The following DACH1 variants were observed in gnomAD, a reference collection of about 807,000 sequenced individuals.
The protein encoded by DACH1 is dachshund family transcription factor 1.
In DACH1, 12 loss-of-function variants were observed where a neutral mutation model predicts 54.2. The ratio of observed to expected loss-of-function variants is 0.22; its 90% CI spans 0.14 to 0.36. DACH1 has a LOEUF of 0.36. Ranked by LOEUF, DACH1 falls within the 10% of genes least tolerant of loss-of-function variation. The pLI is 1.00. For synonymous variants in DACH1, 386 were observed against 366.2 expected (o/e 1.05, Z -0.62); for missense variants, 805 against 929.8 (o/e 0.87, Z 1.75).
chr13:71,462,349 T>C (rs1876150076), intron 10 of DACH1, among the ~76,000 whole-genome samples: 1 of 151,970 alleles, frequency 6.6e-6, no homozygotes, highest in Non-Finnish European at 1.5e-5. Context: ...TAATTATATA[T>C]AATATGTAGC....
In DACH1 at chr13:71,735,267, G is replaced by GAT. The variant is rs1215444304; in HGVS notation, c.849-53359_849-53358dup. Among the ~76,000 whole-genome samples the GAT allele has an allele frequency of 1.1e-4, 5 of 46,120 alleles. 1 individual carries two copies. The highest frequency in any genetic ancestry group is 3.0e-4 in the Non-Finnish European group (3 of 10,052). 30.3% of individuals were successfully genotyped at this position (46,120 alleles called of 152,430 possible). A position where few individuals can be genotyped will look rare whatever the true frequency, so the allele number is the denominator to read the frequency against. The stretch of plus-strand genomic sequence containing the variant: ...GTATATGGGATATACGTGTATATGG[G>GAT]ATACACGTATGTATATGGGATATAC... On this transcript the variant is annotated intron_variant, in intron 1 of 10. Coordinates refer to ENST00000613252, the MANE Select transcript of DACH1 (RefSeq NM_080759.6).
intron 10 of DACH1, among the ~76,000 whole-genome samples, chr13:71,463,302 A>G (rs1240119825): frequency 1.3e-5 from 2 of 151,992 alleles, no homozygotes; most frequent in Admixed American, 6.6e-5. Context: ...TTTTAGAGAA[A>G]ACGTCTTGAG....
intron 3 of DACH1, among the ~76,000 whole-genome samples, chr13:71,619,849 A>G (rs552819843): frequency 4.0e-4 from 61 of 152,028 alleles, no homozygotes; most frequent in Admixed American, 3.1e-3. Flanking sequence ...ACTAATAGAA[A>G]TAGGAAATTG....
At chr13:71,604,477 A>G (rs971572947) in intron 3 of DACH1, among the ~76,000 whole-genome samples, 19 of 151,932 alleles carry the variant, frequency 1.3e-4, no homozygotes, top group African/African-American at 4.3e-4. Flanking sequence ...TACCATTACC[A>G]TGCACTCAGA....
In DACH1 at chr13:71,496,261, G is replaced by GTA. The variant is rs35142229; in HGVS notation, c.1571-7115_1571-7114dup. Among the ~76,000 whole-genome samples the GTA allele has an allele frequency of 8.1e-3, 300 of 37,074 alleles. 2 individuals carry two copies. Among genetic ancestry groups the GTA allele is most frequent in the African/African-American group, 0.016 (127 of 7,778 alleles). The allele number at this position is 37,074 out of a possible 152,430, so 24.3% of individuals were successfully genotyped here. ...TCCCAAAAAACAAAAAAATTGCTATGTATATATATATATATATATATATAT... is the reference window on the plus strand; with the variant it reads ...TCCCAAAAAACAAAAAAATTGCTATGTATATATATATATATATATATATATAT... On this transcript the variant is annotated intron_variant, in intron 6 of 10. Transcript: ENST00000613252.
At chr13:71,800,959 A>AAT (rs1400178715) in intron 1 of DACH1, among the ~76,000 whole-genome samples, 41 of 152,148 alleles carry the variant, frequency 2.7e-4, no homozygotes, top group African/African-American at 9.6e-4. Context: ...AATGGAAGGA[A>AAT]ATTATGGAAT....
intron 3 of DACH1, among the ~76,000 whole-genome samples, chr13:71,614,621 A>C (rs2138524888): frequency 6.6e-6 from 1 of 152,276 alleles, no homozygotes; most frequent in East Asian, 1.9e-4. Context: ...TGGGAGGCCA[A>C]GGCAGGAGGA....
At chr13:71,665,637 C>T (rs1228272477) in intron 2 of DACH1, among the ~76,000 whole-genome samples, 4 of 151,990 alleles carry the variant, frequency 2.6e-5, no homozygotes, top group Non-Finnish European at 4.4e-5. Context: ...TAGGATTAAG[C>T]ATGCTAATGA....
At position 71,475,869 on chromosome 13, in the gene DACH1, T is replaced by TATC; in HGVS notation, c.1871-21_1871-20insGAT. On this transcript the variant is annotated intron_variant, in intron 8 of 10. Coordinates refer to ENST00000613252, the MANE Select transcript of DACH1 (RefSeq NM_080759.6). Reference sequence around the variant, plus strand: ...CTATGGCTAAAAAAGAGTGTATGCATATTATTATTATTATTTTTAAATTTT... The same window carrying TATC: ...CTATGGCTAAAAAAGAGTGTATGCATATCATTATTATTATTATTTTTAAATTTT... 2 of 1,444,078 alleles carry TATC rather than the reference T, an allele frequency of 1.4e-6. No individual in the cohort carries two copies. Among genetic ancestry groups the TATC allele is most frequent in the Non-Finnish European group, 1.8e-6 (2 of 1,086,696 alleles). 89.5% of individuals were successfully genotyped at this position (1,444,078 alleles called of 1,614,324 possible).
chr13:71,723,007 T>C (rs1205991717), intron 1 of DACH1, among the ~76,000 whole-genome samples: 1 of 152,178 alleles, frequency 6.6e-6, no homozygotes, highest in East Asian at 1.9e-4. Flanking sequence ...AAGAGCAGAA[T>C]GTGCTGAGTT....
intron 1 of DACH1, among the ~76,000 whole-genome samples, chr13:71,733,090 T>C (rs963563246): frequency 6.6e-6 from 1 of 152,198 alleles, no homozygotes; most frequent in African/African-American, 2.4e-5. Flanking sequence ...TATTCATAAA[T>C]GGTGAAAAAC....
intron 1 of DACH1, among the ~76,000 whole-genome samples, chr13:71,728,920 T>G (rs143332039): frequency 6.6e-6 from 1 of 150,968 alleles, no homozygotes; most frequent in East Asian, 1.9e-4. Flanking sequence ...GTTTTTGAGG[T>G]TTTTTTAACT....
intron 10 of DACH1, among the ~76,000 whole-genome samples, chr13:71,448,671 A>G (rs911986994): frequency 1.1e-4 from 16 of 152,246 alleles, no homozygotes; most frequent in African/African-American, 3.4e-4. Flanking sequence ...AGGCCCATTT[A>G]TAAGAGGATA....
At chr13:71,780,645 C>CAA (rs76867649) in intron 1 of DACH1, among the ~76,000 whole-genome samples, 1 of 125,716 alleles carries the variant, frequency 8.0e-6, no homozygotes, top group Non-Finnish European at 1.7e-5. Context: ...GACTTCATCT[C>CAA]AAAAAAAAAA....
chr13:71,598,333 C>A (rs943584926), intron 3 of DACH1, among the ~76,000 whole-genome samples: 7 of 152,202 alleles, frequency 4.6e-5, no homozygotes, highest in Admixed American at 3.3e-4. Context: ...CAGCTCACTG[C>A]CACCTCTGCC....
intron 2 of DACH1, among the ~76,000 whole-genome samples, chr13:71,638,869 C>T (rs867430606): frequency 6.6e-6 from 1 of 152,150 alleles, no homozygotes; most frequent in South Asian, 2.1e-4. Flanking sequence ...ATTTAAAACT[C>T]TCACCGTGTG....
rs148206429 is a variant in DACH1 at position 71,471,834 on chromosome 13, T to A, written c.2083+3307A>T. Among the ~76,000 whole-genome samples, 309 of 152,184 alleles carry A rather than the reference T, an allele frequency of 2.0e-3. 4 individuals carry two copies. Among genetic ancestry groups the A allele is most frequent in the African/African-American group, 7.3e-3 (303 of 41,532 alleles). On this transcript the variant is annotated intron_variant, in intron 10 of 10. Coordinates refer to ENST00000613252, the MANE Select transcript of DACH1 (RefSeq NM_080759.6). ...CCTAAGGAGAAGGAATAAAATAAGATGACGACTTAGCTGAAGAAAGCCATC... is the reference window on the plus strand; with the variant it reads ...CCTAAGGAGAAGGAATAAAATAAGAAGACGACTTAGCTGAAGAAAGCCATC...
intron 6 of DACH1, among the ~76,000 whole-genome samples, chr13:71,550,321 G>A (rs192111201): frequency 9.9e-5 from 15 of 152,190 alleles, no homozygotes; most frequent in Non-Finnish European, 2.2e-4. Flanking sequence ...ACTAATGCCA[G>A]ACCCTGTGCT....
At chr13:71,788,888 T>A (rs1448954228) in intron 1 of DACH1, among the ~76,000 whole-genome samples, 1 of 152,170 alleles carries the variant, frequency 6.6e-6, no homozygotes, top group African/African-American at 2.4e-5. Context: ...AATGTTTATA[T>A]CTCAGATATA....
Sources: gnomAD v4.1 joint callset for allele counts (sites outside exome capture counted in the v4.1 genomes callset) on GRCh38, gnomAD v4.1.1 for gene constraint, MANE v1.5 for transcripts, NCBI Gene and HGNC (gene_info 2026-07-23, HGNC 2026-07-21) for gene names.